Variants in DSE observed in about 807,000 individuals in gnomAD.
DSE encodes the protein dermatan-sulfate epimerase.
Under a neutral mutation model 84.4 loss-of-function variants are expected in DSE, and 36 were observed. That is an observed-to-expected ratio of 0.43 (90% CI 0.33 to 0.56). DSE has a LOEUF of 0.56. Among genes scored for constraint, DSE ranks in the 20% least tolerant of loss-of-function variants. The pLI, the probability that DSE is intolerant of heterozygous loss-of-function variation, is 0.06. For missense variants in DSE, 862 were observed against 1,169.6 expected (o/e 0.74, Z 3.84); for synonymous variants, 410 against 430.1 (o/e 0.95, Z 0.58).
chr6:116,278,544 G>A, intron 2 of DSE: 1 of 1,614,134 alleles, frequency 6.2e-7, no homozygotes, highest in Non-Finnish European at 8.5e-7. Context: ...CAAAGGGCCT[G>A]GGGATCTCTA....
At chr6:116,301,611 G>A (rs747598219) in intron 2 of DSE, among the ~76,000 whole-genome samples, 16 of 152,074 alleles carry the variant, frequency 1.1e-4, no homozygotes, top group Non-Finnish European at 2.1e-4. Context: ...CGCCTCAATG[G>A]CTGAGTAGTA....
At chr6:116,343,394 C>CAGT (rs1323558568) in intron 2 of DSE, among the ~76,000 whole-genome samples, 5 of 152,230 alleles carry the variant, frequency 3.3e-5, no homozygotes, top group Non-Finnish European at 7.3e-5. Flanking sequence ...AGACACCTCA[C>CAGT]AGTAGTGGCT....
upstream of DSE, chr6:116,367,061 C>T (rs943891726): frequency 2.0e-5 from 3 of 152,146 alleles, no homozygotes; most frequent in East Asian, 1.9e-4. Flanking sequence ...GCAGTCGCAG[C>T]GGAGCAGTCT....
chr6:116,275,531 T>C (rs1299650635), intron 2 of DSE, among the ~76,000 whole-genome samples: 1 of 152,238 alleles, frequency 6.6e-6, no homozygotes, highest in Non-Finnish European at 1.5e-5. Flanking sequence ...CTGGGTGCGG[T>C]GGCTCACGCC....
At chr6:116,367,888 A>T (rs1318104771), upstream of DSE, among the ~76,000 whole-genome samples, 1 of 152,360 alleles carries the variant, frequency 6.6e-6, no homozygotes, top group African/African-American at 2.4e-5. Flanking sequence ...GGAGGTGGAC[A>T]GATGGAGTTC....
intron 2 of DSE, among the ~76,000 whole-genome samples, chr6:116,276,316 C>T (rs1773141076): frequency 6.6e-6 from 1 of 152,060 alleles, no homozygotes; most frequent in East Asian, 1.9e-4. Context: ...AAAAGAAGAG[C>T]CTGAATAACC....
chr6:116,279,659 C>T (rs764471675), intron 2 of DSE: 1 of 1,606,646 alleles, frequency 6.2e-7, no homozygotes, highest in Admixed American at 1.7e-5. Context: ...GGCGGGAGCG[C>T]GACGGTCTCC....
intron 2 of DSE, among the ~76,000 whole-genome samples, chr6:116,262,599 T>C (rs1202100132): frequency 6.6e-6 from 1 of 152,194 alleles, no homozygotes; most frequent in Non-Finnish European, 1.5e-5. Flanking sequence ...ATTTTTTGTG[T>C]GTCTAAATCT....
At chr6:116,258,939 T>A (rs962210739) in exon 2 of DSE, 3 of 1,538,364 alleles carry the variant, frequency 2.0e-6, no homozygotes, top group Non-Finnish European at 2.7e-6. Context: ...TGTGGAAGCA[T>A]TTGGCGGCAT....
intron 2 of DSE, among the ~76,000 whole-genome samples, chr6:116,311,229 C>T (rs79838950): frequency 0.04 from 6,115 of 152,234 alleles, 167 homozygotes; most frequent in Non-Finnish European, 0.06. Flanking sequence ...TTTTTTACAG[C>T]ATTTGTCACA....
chr6:116,304,039 G>A (rs1258161189), intron 2 of DSE, among the ~76,000 whole-genome samples: 1 of 151,838 alleles, frequency 6.6e-6, no homozygotes, highest in East Asian at 1.9e-4. Flanking sequence ...AGGAGGCTGA[G>A]GCAGGAGAAT....
chr6:116,319,400 T>A (rs914948587), intron 2 of DSE, among the ~76,000 whole-genome samples: 1 of 152,244 alleles, frequency 6.6e-6, no homozygotes, highest in African/African-American at 2.4e-5. Context: ...ATAGCCAAGC[T>A]ATTCAAGTTT....
At chr6:116,371,221 G>C in intron 1 of DSE, 100 bp downstream of exon 1, 1 of 984,480 alleles carries the variant, frequency 1.0e-6, no homozygotes, top group East Asian at 1.1e-4. Flanking sequence ...GGCGCGGGCG[G>C]GAGACGGAGA....
At chr6:116,312,252 G>T (rs1043076580) in intron 2 of DSE, among the ~76,000 whole-genome samples, 1 of 152,142 alleles carries the variant, frequency 6.6e-6, no homozygotes, top group African/African-American at 2.4e-5. Context: ...GTTATGTAAT[G>T]TGCTACTTAA....
intron 2 of DSE, among the ~76,000 whole-genome samples, chr6:116,360,907 C>G (rs1480311374): frequency 6.6e-6 from 1 of 151,958 alleles, no homozygotes; most frequent in Admixed American, 6.6e-5. Flanking sequence ...ATTCACTGGT[C>G]AGAGTTCTGA....
chr6:116,403,490 C>T (rs1212746726), intron 2 of DSE, among the ~76,000 whole-genome samples: 1 of 151,326 alleles, frequency 6.6e-6, no homozygotes, highest in Non-Finnish European at 1.5e-5. Context: ...AACTTTTCCC[C>T]TAGAAGATTA....
intron 2 of DSE, chr6:116,259,162 C>T (rs899409601): frequency 2.1e-5 from 19 of 915,548 alleles, no homozygotes; most frequent in East Asian, 1.0e-4. Flanking sequence ...GTAGACCATG[C>T]GCCACCCTGG....
chr6:116,405,590 T>C (rs766632740), intron 2 of DSE, among the ~76,000 whole-genome samples: 8 of 152,206 alleles, frequency 5.3e-5, no homozygotes, highest in Non-Finnish European at 8.8e-5. Context: ...CCTTTTATGC[T>C]GCTGCAGAGA....
intron 2 of DSE, among the ~76,000 whole-genome samples, chr6:116,272,403 C>T (rs564513349): frequency 1.3e-5 from 2 of 152,070 alleles, no homozygotes; most frequent in Admixed American, 6.5e-5. Flanking sequence ...AAATCATTTC[C>T]TTTTTTGGCA....
Sources: gnomAD v4.1 joint callset for allele counts (sites outside exome capture counted in the v4.1 genomes callset) on GRCh38, gnomAD v4.1.1 for gene constraint, MANE v1.5 for transcripts, NCBI Gene and HGNC (gene_info 2026-07-23, HGNC 2026-07-21) for gene names.